The following MTFMT variants were observed in gnomAD, a reference collection of about 807,000 sequenced individuals.
MTFMT encodes mitochondrial methionyl-tRNA formyltransferase, also known as methionyl-tRNA formyltransferase, mitochondrial.
In MTFMT, 47 loss-of-function variants were observed where a neutral mutation model predicts 51.8. That is an observed-to-expected ratio of 0.91 (90% CI 0.72 to 1.16). The LOEUF (loss-of-function observed/expected upper bound fraction) is 1.16, where lower values mean the gene tolerates loss of function less well. Ranked by LOEUF, MTFMT falls within the 50% of genes most tolerant of loss-of-function variation. The pLI, the probability that MTFMT is intolerant of heterozygous loss-of-function variation, is 0.00. For missense variants in MTFMT, 512 were observed against 482.3 expected (o/e 1.06, Z -0.58); for synonymous variants, 196 against 176.7 (o/e 1.11, Z -0.87).
intron 4 of MTFMT, 99 bp from the exon 5 acceptor site, chr15:65,020,371 T>TTTTTTC: frequency 9.9e-7 from 1 of 1,010,686 alleles, no homozygotes; most frequent in African/African-American, 1.6e-5. Context: ...ACCTATAACT[T>TTTTTTC]TTTTTCTTTT....
At chr15:65,019,453 AAAG>A (rs1446752193) in intron 5 of MTFMT, among the ~76,000 whole-genome samples, 2 of 152,138 alleles carry the variant, frequency 1.3e-5, no homozygotes, top group African/African-American at 4.8e-5. Context: ...AAAAAACAAA[AAAG>A]AAGAAAACAA....
At position 65,004,933 on chromosome 15, in the gene MTFMT, G is replaced by A; in HGVS notation, c.896C>T (p.Pro299Leu). 6.2e-7 allele frequency: 1 copy of A among 1,608,202 alleles called. No homozygotes were observed. Among genetic ancestry groups the A allele is most frequent in the East Asian group, 2.2e-5 (1 of 44,738 alleles). ...VEVNSSVLAD[P>L]KLTGQALIPG... ...AATAAGAGCCTGTCCCGTTAATTTT[G>A]GATCTGAAGAATGGAAAAAAGAAAA... The change falls in exon 8 of 9, where the codon CCA (proline) becomes CTA (leucine). Residue 299 changes from proline (P) to leucine (L), a missense_variant. Transcript: ENST00000220058.
chr15:65,016,520 C>G lies in MTFMT; in HGVS notation c.729G>C (p.Lys243Asn). The change falls in exon 6 of 9, where the codon AAG (lysine) becomes AAC (asparagine). Residue 243 changes from lysine to asparagine, a missense_variant. Lys to Asn is a moderately conservative substitution (Grantham distance 94). Coordinates refer to ENST00000220058, the MANE Select transcript of MTFMT (RefSeq NM_139242.4). ...TTATACAACTGGTACCAGCAGAAAT[C>G]TTAGGGGCTACAAGATAAAACCAAG... ...QPMEGATYAP[K>N]ISAGTSCIKW... is the part of the protein sequence containing the mutation. 6.2e-7 allele frequency: 1 copy of G among 1,610,078 alleles called. No individual in the cohort carries two copies. The highest frequency in any genetic ancestry group is 8.5e-7 in the Non-Finnish European group (1 of 1,176,874).
chr15:65,020,705 T>C (rs191400317), intron 4 of MTFMT, among the ~76,000 whole-genome samples: 1 of 152,310 alleles, frequency 6.6e-6, no homozygotes, highest in Admixed American at 6.5e-5. Flanking sequence ...AAGTCCTAGT[T>C]CTACCACCTA....
chr15:65,010,637 G>C (rs1264434121), intron 6 of MTFMT, among the ~76,000 whole-genome samples: 1 of 151,952 alleles, frequency 6.6e-6, no homozygotes, highest in African/African-American at 2.4e-5. Context: ...TCACTTTTTG[G>C]CCATTCTGAA....
Position 65,003,204 on chromosome 15 carries a change from G to C in MTFMT, c.1028C>G (p.Thr343Ser). 6.2e-7 allele frequency: 1 copy of C among 1,613,732 alleles called. No homozygotes were observed. The highest frequency in any genetic ancestry group is 8.5e-7 in the Non-Finnish European group (1 of 1,179,750). Residue 343 changes from threonine (T) to serine (S), a missense_variant, in exon 9 of 9, where the codon ACT becomes AGT. Coordinates refer to ENST00000220058, the MANE Select transcript of MTFMT (RefSeq NM_139242.4). Reference protein sequence around the residue: ...SVMLKKSLTATDFYNGYLHPW... With the variant: ...SVMLKKSLTASDFYNGYLHPW... ...GTGCAAATATCCATTGTAGAAGTCA[G>C]TAGCTGTTAGTGATTTCTTGAGCAT...
chr15:65,028,632 G>C (rs1322993192), intron 1 of MTFMT, among the ~76,000 whole-genome samples: 1 of 151,936 alleles, frequency 6.6e-6, no homozygotes, highest in Non-Finnish European at 1.5e-5. Context: ...AAAGGAGATG[G>C]AGATGACCAA....
chr15:65,011,516 G>A (rs1465940139), intron 6 of MTFMT, among the ~76,000 whole-genome samples: 1 of 59,684 alleles, frequency 1.7e-5, no homozygotes, highest in Admixed American at 2.6e-4. Flanking sequence ...TTTTTTTTGA[G>A]ACAGGGTCTC....
intron 3 of MTFMT, 70 bp downstream of exon 3, chr15:65,023,602 T>C (rs1358091955): frequency 6.6e-7 from 1 of 1,510,262 alleles, no homozygotes; most frequent in Non-Finnish European, 9.1e-7. Context: ...ATTCATCCAC[T>C]GCCCCCCAAA....
chr15:65,027,683 C>A (rs1173545025), intron 1 of MTFMT, among the ~76,000 whole-genome samples: 1 of 152,006 alleles, frequency 6.6e-6, no homozygotes, highest in Non-Finnish European at 1.5e-5. Flanking sequence ...TTTAACAATG[C>A]TATATATGCT....
At chr15:65,004,963 T>G in intron 7 of MTFMT, 27 bp from the exon 8 acceptor site, 1 of 1,546,540 alleles carries the variant, frequency 6.5e-7, no homozygotes, top group Non-Finnish European at 8.9e-7. Flanking sequence ...AGAAAAGATA[T>G]ACAAGAGAAA....
chr15:65,024,417 T>C (rs1440292072), intron 2 of MTFMT, among the ~76,000 whole-genome samples: 1 of 152,232 alleles, frequency 6.6e-6, no homozygotes, highest in Non-Finnish European at 1.5e-5. Flanking sequence ...AACCCTATTA[T>C]GCATCTCATG....
intron 1 of MTFMT, among the ~76,000 whole-genome samples, chr15:65,027,718 G>A (rs1429181715): frequency 6.6e-6 from 1 of 151,992 alleles, no homozygotes; most frequent in Non-Finnish European, 1.5e-5. Context: ...TGAAAAATGG[G>A]TTAAATATAC....
Position 65,003,101 on chromosome 15 carries a change from C to A in MTFMT, c.1131G>T (p.Lys377Asn). ...FQTLRLPTKKKQKKTVAMQQC... is the reference protein window; with the variant it reads ...FQTLRLPTKKNQKKTVAMQQC... ...GTTGCATAGCAACAGTTTTTTTCTG[C>A]TTCTTCTTTGTTGGAAGTCTGAGAG... Residue 377 changes from lysine (K) to asparagine (N), a missense_variant, in exon 9 of 9, where the codon AAG becomes AAT. Coordinates refer to ENST00000220058, the MANE Select transcript of MTFMT (RefSeq NM_139242.4). The A allele has an allele frequency of 1.2e-6, 2 of 1,606,034 alleles. No homozygotes were observed. The highest frequency in any genetic ancestry group is 1.1e-5 in the South Asian group (1 of 89,698).
At chr15:65,021,696 A>G in intron 3 of MTFMT, 80 bp from the exon 4 acceptor site, 2 of 1,138,162 alleles carry the variant, frequency 1.8e-6, no homozygotes, top group Admixed American at 1.9e-5. Flanking sequence ...AAAAGATACA[A>G]GCTGGGTACA....
At chr15:65,014,590 T>C (rs2086300905) in intron 6 of MTFMT, among the ~76,000 whole-genome samples, 1 of 151,294 alleles carries the variant, frequency 6.6e-6, no homozygotes, top group Admixed American at 6.6e-5. Flanking sequence ...CCTCCCAAAG[T>C]GCTGAGATAA....
intron 2 of MTFMT, chr15:65,026,100 A>G (rs1398572704): frequency 2.0e-5 from 3 of 152,666 alleles, no homozygotes; most frequent in African/African-American, 7.2e-5. Context: ...ATGGAAAATC[A>G]TAAATCTAAT....
chr15:65,013,409 T>G (rs1300980966), intron 6 of MTFMT, among the ~76,000 whole-genome samples: 2 of 152,068 alleles, frequency 1.3e-5, no homozygotes, highest in Non-Finnish European at 2.9e-5. Flanking sequence ...ACCACTGCAC[T>G]TGGCTTCTTT....
intron 6 of MTFMT, among the ~76,000 whole-genome samples, chr15:65,014,322 AT>A (rs35599676): frequency 0.017 from 2,148 of 123,052 alleles, 22 homozygotes; most frequent in African/African-American, 0.051. Context: ...ACACTATTTG[AT>A]TTTTTTTTTT....
Sources: allele counts gnomAD v4.1 joint callset (sites outside exome capture counted in the v4.1 genomes callset), GRCh38; gene constraint gnomAD v4.1.1; transcripts MANE v1.5; gene names NCBI Gene and HGNC (gene_info 2026-07-23, HGNC 2026-07-21).